The following UBXN2A variants were observed in gnomAD, a reference collection of about 807,000 sequenced individuals.
UBXN2A encodes UBX domain protein 2A.
Under a neutral mutation model 28.4 loss-of-function variants are expected in UBXN2A, and 28 were observed. The ratio of observed to expected loss-of-function variants is 0.99; its 90% confidence interval spans 0.73 to 1.35. UBXN2A has a LOEUF of 1.35. UBXN2A is among the 40% of genes most tolerant of loss of function. The probability of loss-of-function intolerance (pLI) is 0.00; values close to 1 mark genes in which losing one functional copy is unlikely to be tolerated. For synonymous variants in UBXN2A, 97 were observed against 103.6 expected, an observed-to-expected ratio of 0.94 and a Z score of 0.39; for missense variants, 253 against 297.9, an observed-to-expected ratio of 0.85 and a Z score of 1.11.
chr2:23,945,723 C>T (rs1706035683), intron 1 of UBXN2A, among the ~76,000 whole-genome samples: 1 of 152,010 alleles, frequency 6.6e-6, no homozygotes, highest in African/African-American at 2.4e-5. Context: ...CATTTTTTCT[C>T]CTCAAATTCC....
At chr2:23,941,106 C>T (rs558368359) in intron 1 of UBXN2A, among the ~76,000 whole-genome samples, 2 of 152,256 alleles carry the variant, frequency 1.3e-5, no homozygotes, top group Middle Eastern at 3.4e-3. Context: ...GCTGATTTCA[C>T]GTTTCCTTAA....
chr2:23,950,619 G>A (rs2150816811), intron 1 of UBXN2A, among the ~76,000 whole-genome samples: 1 of 152,080 alleles, frequency 6.6e-6, no homozygotes, highest in South Asian at 2.1e-4. Context: ...GGCTGGGTTG[G>A]TCTCGAACTC....
intron 1 of UBXN2A, among the ~76,000 whole-genome samples, chr2:23,930,905 G>T (rs139012148): frequency 6.6e-6 from 1 of 151,988 alleles, no homozygotes; most frequent in East Asian, 1.9e-4. Flanking sequence ...AGTGGCTCAC[G>T]CCTGTAATTC....
At chr2:23,970,378 T>C (rs1707364245) in intron 2 of UBXN2A, among the ~76,000 whole-genome samples, 1 of 152,110 alleles carries the variant, frequency 6.6e-6, no homozygotes, top group African/African-American at 2.4e-5. Context: ...CTAGATGCAT[T>C]TGGCAATGTG....
chr2:23,991,406 T>TACACACAC lies in UBXN2A; in HGVS notation c.584+6593_584+6600dup, dbSNP rs371442810. ...GCATGTGATTTTATATTTTATTTTATACACACACACACACACACACACACA... is the reference window on the plus strand; with the variant it reads ...GCATGTGATTTTATATTTTATTTTATACACACACACACACACACACACACACACACACA... On this transcript the variant is annotated intron_variant, in intron 6 of 6. Coordinates refer to ENST00000309033, the MANE Select transcript of UBXN2A (RefSeq NM_181713.4). 6.2e-4 allele frequency among the ~76,000 whole-genome samples: 92 copies of TACACACAC among 148,526 alleles called. No homozygotes were observed. In the Middle Eastern group the frequency reaches 0.014, roughly 22 times the overall value.
intron 6 of UBXN2A, among the ~76,000 whole-genome samples, chr2:23,995,569 T>C (rs1417870561): frequency 6.6e-6 from 1 of 151,738 alleles, no homozygotes; most frequent in African/African-American, 2.4e-5. Flanking sequence ...AGCGGGCGTC[T>C]GTAGTCCCAG....
chr2:23,978,547 G>A (rs980883698), intron 4 of UBXN2A, among the ~76,000 whole-genome samples: 2 of 152,158 alleles, frequency 1.3e-5, no homozygotes, highest in African/African-American at 4.8e-5. Context: ...GGGAGGCTGA[G>A]GCAGGAGAAT....
chr2:23,963,363 A>G (rs529464513), intron 2 of UBXN2A, among the ~76,000 whole-genome samples: 91 of 152,062 alleles, frequency 6.0e-4, no homozygotes, highest in Middle Eastern at 3.4e-3. Flanking sequence ...AAAAATACAA[A>G]AAGTAGCCAG....
chr2:23,929,628 G>A (rs1372180346), intron 1 of UBXN2A, among the ~76,000 whole-genome samples: 5 of 151,708 alleles, frequency 3.3e-5, no homozygotes, highest in Admixed American at 6.6e-5. Flanking sequence ...CAGGATAATC[G>A]CTTGAACCCG....
intron 3 of UBXN2A, among the ~76,000 whole-genome samples, chr2:23,974,985 AAAAAG>A (rs1317412828): frequency 6.6e-6 from 1 of 152,054 alleles, no homozygotes; most frequent in Non-Finnish European, 1.5e-5. Context: ...TCAAAAAAAA[AAAAAG>A]AAAAGAAAAA....
At chr2:23,981,748 G>T (rs1347081010) in intron 4 of UBXN2A, among the ~76,000 whole-genome samples, 2 of 151,746 alleles carry the variant, frequency 1.3e-5, no homozygotes, top group Non-Finnish European at 2.9e-5. Flanking sequence ...ACAAAAATTA[G>T]CCGGGCATGG....
chr2:23,944,085 A>T (rs1204631917), intron 1 of UBXN2A: 4 of 662,860 alleles, frequency 6.0e-6, no homozygotes, highest in Non-Finnish European at 1.1e-5. Flanking sequence ...TGCTTTGAGC[A>T]CAGGGGTCTC....
At chr2:23,974,467 T>G (rs1045487535) in intron 3 of UBXN2A, among the ~76,000 whole-genome samples, 5 of 151,750 alleles carry the variant, frequency 3.3e-5, no homozygotes, top group Admixed American at 2.0e-4. Context: ...TGCCTCAGCC[T>G]CCTGAGTAGC....
intron 1 of UBXN2A, among the ~76,000 whole-genome samples, chr2:23,943,102 T>C (rs1705853246): frequency 6.6e-6 from 1 of 151,834 alleles, no homozygotes; most frequent in African/African-American, 2.4e-5. Context: ...ATTACAGGCA[T>C]GCGCCACCAT....
At chr2:23,973,922 G>A (rs1351894341) in intron 3 of UBXN2A, among the ~76,000 whole-genome samples, 1 of 151,998 alleles carries the variant, frequency 6.6e-6, no homozygotes, top group Non-Finnish European at 1.5e-5. Flanking sequence ...GAGCCACCGT[G>A]CCCGGCCCTG....
chr2:23,975,411 A>G (rs1238461078), intron 3 of UBXN2A, among the ~76,000 whole-genome samples: 1 of 152,220 alleles, frequency 6.6e-6, no homozygotes, highest in Non-Finnish European at 1.5e-5. Flanking sequence ...TATTAAAAAA[A>G]ACATTTCAAT....
chr2:23,972,222 C>A (rs1379551329), intron 3 of UBXN2A, among the ~76,000 whole-genome samples: 1 of 152,180 alleles, frequency 6.6e-6, no homozygotes, highest in Non-Finnish European at 1.5e-5. Flanking sequence ...ACAAACTGTG[C>A]TAGCAGTTAC....
At chr2:23,966,202 G>A (rs1019009295) in intron 2 of UBXN2A, among the ~76,000 whole-genome samples, 23 of 151,786 alleles carry the variant, frequency 1.5e-4, no homozygotes, top group Admixed American at 1.4e-3. Context: ...GCAGTGCCGC[G>A]ATCTTGACTC....
intron 1 of UBXN2A, among the ~76,000 whole-genome samples, chr2:23,930,050 G>A (rs556120330): frequency 1.4e-4 from 22 of 152,156 alleles, no homozygotes; most frequent in Admixed American, 9.2e-4. Context: ...CACCACGCCC[G>A]GCTAATTTTT....
Sources: gnomAD v4.1 joint callset for allele counts (sites outside exome capture counted in the v4.1 genomes callset) on GRCh38, gnomAD v4.1.1 for gene constraint, MANE v1.5 for transcripts, NCBI Gene and HGNC (gene_info 2026-07-23, HGNC 2026-07-21) for gene names.